The following TMEM178B variants were observed in gnomAD, a reference collection of about 807,000 sequenced individuals.
TMEM178B encodes the protein transmembrane protein 178B.
Under a neutral mutation model 31.0 loss-of-function variants are expected in TMEM178B, and 5 were observed. The observed-to-expected ratio is 0.16, with a 90% CI of 0.08 to 0.34. The LOEUF (loss-of-function observed/expected upper bound fraction) is 0.34, where lower values mean the gene tolerates loss of function less well. Ranked by LOEUF, TMEM178B falls within the 10% of genes least tolerant of loss-of-function variation. The probability of loss-of-function intolerance (pLI) is 1.00; values close to 1 mark genes in which losing one functional copy is unlikely to be tolerated. For synonymous variants in TMEM178B, 164 were observed against 164.0 expected (o/e 1.00, Z 0.00); for missense variants, 275 against 400.3 (o/e 0.69, Z 2.67).
chr7:141,361,016 T>A (rs575420644), intron 2 of TMEM178B, among the ~76,000 whole-genome samples: 4 of 152,234 alleles, frequency 2.6e-5, no homozygotes, highest in African/African-American at 9.6e-5. Context: ...GAACAATCAA[T>A]GAATAGGTCT....
chr7:141,366,458 C>G (rs1800006424), intron 2 of TMEM178B, among the ~76,000 whole-genome samples: 3 of 152,164 alleles, frequency 2.0e-5, no homozygotes, highest in African/African-American at 7.2e-5. Context: ...GGATACATTT[C>G]CTTGTGTTTA....
intron 1 of TMEM178B, among the ~76,000 whole-genome samples, chr7:141,121,703 T>C (rs573839194): frequency 6.6e-6 from 1 of 152,288 alleles, no homozygotes; most frequent in South Asian, 2.1e-4. Flanking sequence ...AAAGCACAAA[T>C]CTCTGGGTAA....
intron 1 of TMEM178B, among the ~76,000 whole-genome samples, chr7:141,130,060 T>A (rs1795569804): frequency 6.6e-6 from 1 of 152,168 alleles, no homozygotes; most frequent in Non-Finnish European, 1.5e-5. Context: ...CCTATTCATA[T>A]CTTTAAAAGG....
intron 2 of TMEM178B, among the ~76,000 whole-genome samples, chr7:141,374,655 C>A (rs1189490024): frequency 3.9e-5 from 6 of 152,220 alleles, no homozygotes; most frequent in South Asian, 4.1e-4. Context: ...CACATGCCAC[C>A]CCATGTGACA....
At chr7:141,304,524 C>T (rs1431864955) in intron 2 of TMEM178B, among the ~76,000 whole-genome samples, 2 of 152,190 alleles carry the variant, frequency 1.3e-5, no homozygotes, top group African/African-American at 2.4e-5. Context: ...CCAGGGCTCT[C>T]ATCCACTGCT....
intron 2 of TMEM178B, among the ~76,000 whole-genome samples, chr7:141,419,882 TA>T (rs1159521524): frequency 6.6e-6 from 1 of 152,198 alleles, no homozygotes; most frequent in Non-Finnish European, 1.5e-5. Flanking sequence ...CAGCATGTTA[TA>T]ATAATTACGT....
chr7:141,351,249 A>C (rs1255058362), intron 2 of TMEM178B, among the ~76,000 whole-genome samples: 1 of 152,270 alleles, frequency 6.6e-6, no homozygotes, highest in Non-Finnish European at 1.5e-5. Context: ...TATTTAGACC[A>C]AAAGTTTCTG....
Position 141,472,018 on chromosome 7 carries a change from A to G in TMEM178B, c.*1232A>G, listed in dbSNP as rs1802254202. 6.6e-6 allele frequency: 1 copy of G among 152,280 alleles called. No homozygotes were observed. Among genetic ancestry groups the G allele is most frequent in the Admixed American group, 6.5e-5 (1 of 15,286 alleles). The allele number at this position is 152,280 out of a possible 1,614,324, so 9.4% of individuals were successfully genotyped here. ...TTGGAAGTTCAAGACACAGCTGGGC[A>G]CATAAGCCATGAGAGAAGAGGGGGA... On this transcript the variant is annotated 3_prime_UTR_variant, in exon 4 of 4. Coordinates refer to ENST00000565468, the MANE Select transcript of TMEM178B (RefSeq NM_001195278.2).
chr7:141,233,420 A>C (rs900481942), intron 2 of TMEM178B, among the ~76,000 whole-genome samples: 7 of 152,188 alleles, frequency 4.6e-5, no homozygotes, highest in Non-Finnish European at 7.3e-5. Flanking sequence ...CACTGTTCTG[A>C]GAATAAATTT....
intron 2 of TMEM178B, among the ~76,000 whole-genome samples, chr7:141,364,909 A>G (rs748273077): frequency 6.6e-6 from 1 of 152,226 alleles, no homozygotes; most frequent in Non-Finnish European, 1.5e-5. Flanking sequence ...TATAGGCCAA[A>G]TGTTGCCACA....
At chr7:141,179,873 G>A (rs929537971) in intron 1 of TMEM178B, among the ~76,000 whole-genome samples, 8 of 152,148 alleles carry the variant, frequency 5.3e-5, no homozygotes, top group African/African-American at 1.9e-4. Flanking sequence ...CCCTTCTGTA[G>A]CCTTCTCCCA....
chr7:141,170,246 T>C (rs1273669429), intron 1 of TMEM178B, among the ~76,000 whole-genome samples: 1 of 152,228 alleles, frequency 6.6e-6, no homozygotes, highest in Non-Finnish European at 1.5e-5. Flanking sequence ...ATTAATTTAT[T>C]CTGTCACCAA....
At chr7:141,459,237 C>A (rs1387051666) in intron 3 of TMEM178B, among the ~76,000 whole-genome samples, 1 of 152,206 alleles carries the variant, frequency 6.6e-6, no homozygotes, top group Non-Finnish European at 1.5e-5. Context: ...TCATGTTGGT[C>A]AGGCTGGTCT....
At chr7:141,324,416 GTTTTTTTTTTTTT>G (rs56316531) in intron 2 of TMEM178B, among the ~76,000 whole-genome samples, 17,331 of 85,862 alleles carry the variant, frequency 0.2, 1,704 homozygotes, top group Non-Finnish European at 0.28. Flanking sequence ...GGAGACCAGG[GTTTTTTTTTTTTT>G]TTTTTTTTTT....
At chr7:141,177,800 A>G (rs1796457865) in intron 1 of TMEM178B, among the ~76,000 whole-genome samples, 1 of 152,066 alleles carries the variant, frequency 6.6e-6, no homozygotes, top group Non-Finnish European at 1.5e-5. Context: ...CTTGGTAAAT[A>G]TTCCTTCATC....
At chr7:141,358,839 T>G (rs1404184655) in intron 2 of TMEM178B, among the ~76,000 whole-genome samples, 1 of 152,218 alleles carries the variant, frequency 6.6e-6, no homozygotes, top group Non-Finnish European at 1.5e-5. Flanking sequence ...AGATGGGGTT[T>G]AGACAAATCA....
At chr7:141,297,033 A>G (rs1055671885) in intron 2 of TMEM178B, 1 of 152,214 alleles carries the variant, frequency 6.6e-6, no homozygotes, top group Non-Finnish European at 1.5e-5. Context: ...GTACATCCCT[A>G]GGGAAGTTGA....
the TMEM178B span, among the ~76,000 whole-genome samples, chr7:141,493,045 C>T: frequency 3.9e-5 from 6 of 152,064 alleles, no homozygotes; most frequent in Admixed American, 6.6e-5. Context: ...CTGCCTGTTA[C>T]CTGGTTGCCA....
At chr7:141,505,656 A>T in the TMEM178B span, among the ~76,000 whole-genome samples, 35 of 152,326 alleles carry the variant, frequency 2.3e-4, no homozygotes, top group Middle Eastern at 3.4e-3. Context: ...TGCCTGCCGA[A>T]CAGGACTGGG....
Sources: allele counts gnomAD v4.1 joint callset (sites outside exome capture counted in the v4.1 genomes callset), GRCh38; gene constraint gnomAD v4.1.1; transcripts MANE v1.5; gene names NCBI Gene and HGNC (gene_info 2026-07-23, HGNC 2026-07-21).